The following DGKB variants were observed in gnomAD, a reference collection of about 807,000 sequenced individuals.
The protein encoded by DGKB is diacylglycerol kinase beta.
In DGKB, 67 loss-of-function variants were observed where a neutral mutation model predicts 114.3. The observed-to-expected ratio is 0.59, with a 90% CI of 0.48 to 0.72. DGKB has a LOEUF of 0.72. Ranked by LOEUF, DGKB falls within the 30% of genes least tolerant of loss-of-function variation. The probability of loss-of-function intolerance (pLI) is 0.00; values close to 1 mark genes in which losing one functional copy is unlikely to be tolerated. For missense variants in DGKB, 907 were observed against 975.2 expected, an observed-to-expected ratio of 0.93 and a Z score of 0.93; for synonymous variants, 398 against 323.1, an observed-to-expected ratio of 1.23 and a Z score of -2.49.
intron 23 of DGKB, among the ~76,000 whole-genome samples, chr7:14,314,656 C>T (rs62443709): frequency 0.051 from 7,789 of 151,800 alleles, 503 homozygotes; most frequent in African/African-American, 0.15. Flanking sequence ...CTACGTCTGA[C>T]TGGTGTACCT....
chr7:14,285,122 T>G (rs1221329805), intron 23 of DGKB, among the ~76,000 whole-genome samples: 7 of 152,332 alleles, frequency 4.6e-5, no homozygotes, highest in African/African-American at 1.7e-4. Context: ...AGACCATTAT[T>G]TCTTTACATT....
intron 22 of DGKB, among the ~76,000 whole-genome samples, chr7:14,342,095 A>G (rs1321663477): frequency 6.6e-6 from 1 of 151,858 alleles, no homozygotes; most frequent in Non-Finnish European, 1.5e-5. Flanking sequence ...ACTGAGCAAT[A>G]AGAATATTGT....
chr7:14,558,017 G>T (rs1796112300), intron 20 of DGKB, among the ~76,000 whole-genome samples: 1 of 151,114 alleles, frequency 6.6e-6, no homozygotes, highest in Admixed American at 6.6e-5. Context: ...TCTTTTTCAA[G>T]AAATTCTTTC....
chr7:14,306,097 T>A, intron 23 of DGKB, among the ~76,000 whole-genome samples: 1 of 152,132 alleles, frequency 6.6e-6, no homozygotes, highest in Non-Finnish European at 1.5e-5. Flanking sequence ...CCAAATAAGA[T>A]TTTTAAGTTC....
At chr7:14,306,636 C>A (rs755966410) in intron 23 of DGKB, among the ~76,000 whole-genome samples, 20 of 152,016 alleles carry the variant, frequency 1.3e-4, no homozygotes, top group Non-Finnish European at 2.6e-4. Context: ...TTTGGCTCTG[C>A]GCTTCAGAAC....
chr7:14,598,749 T>C (rs181653118), intron 17 of DGKB, among the ~76,000 whole-genome samples: 452 of 152,314 alleles, frequency 3.0e-3, no homozygotes, highest in Non-Finnish European at 4.9e-3. Context: ...TTATAAACTA[T>C]ATATTTAATG....
chr7:14,782,829 A>G (rs755649766), intron 2 of DGKB, among the ~76,000 whole-genome samples: 4 of 150,148 alleles, frequency 2.7e-5, no homozygotes, highest in Non-Finnish European at 5.9e-5. Flanking sequence ...TCACATGATT[A>G]TATATATATA....
At chr7:14,868,952 C>T (rs747872927) in intron 1 of DGKB, among the ~76,000 whole-genome samples, 1 of 152,144 alleles carries the variant, frequency 6.6e-6, no homozygotes, top group Non-Finnish European at 1.5e-5. Context: ...AAAACAGCTC[C>T]ATGAAGACAC....
intron 21 of DGKB, among the ~76,000 whole-genome samples, chr7:14,364,704 A>G (rs562277976): frequency 1.3e-5 from 2 of 152,124 alleles, no homozygotes; most frequent in East Asian, 3.9e-4. Flanking sequence ...ATAGTAAGGA[A>G]ATAGCTAAGA....
At chr7:14,616,857 G>A (rs530729200) in intron 15 of DGKB, among the ~76,000 whole-genome samples, 2 of 151,856 alleles carry the variant, frequency 1.3e-5, no homozygotes, top group Admixed American at 1.3e-4. Context: ...GAGAGAAAGT[G>A]TCTAGGAAAG....
chr7:14,587,472 A>T (rs1049624118), intron 17 of DGKB, among the ~76,000 whole-genome samples: 1 of 152,174 alleles, frequency 6.6e-6, no homozygotes, highest in Admixed American at 6.6e-5. Context: ...CAAAGGATTT[A>T]GATTATTACA....
At chr7:14,284,662 C>A (rs1800551527) in intron 23 of DGKB, among the ~76,000 whole-genome samples, 1 of 149,668 alleles carries the variant, frequency 6.7e-6, no homozygotes, top group African/African-American at 2.5e-5. Flanking sequence ...ACATATACAT[C>A]ATGGAATACT....
intron 23 of DGKB, among the ~76,000 whole-genome samples, chr7:14,283,432 T>A (rs1352771133): frequency 6.6e-6 from 1 of 151,260 alleles, no homozygotes; most frequent in African/African-American, 2.4e-5. Flanking sequence ...AAAATGGCCA[T>A]ACTGCCCAAG....
chr7:14,785,867 T>C (rs959586111), intron 2 of DGKB, among the ~76,000 whole-genome samples: 1 of 151,708 alleles, frequency 6.6e-6, no homozygotes, highest in African/African-American at 2.4e-5. Context: ...AAGTACAATT[T>C]TCAGACATTA....
rs148143050 is a variant in DGKB, at chr7:14,941,664, A to T, written c.-188+33032T>A. ...TGAATGGTACTAAATGTAAAAACCA[A>T]TCGATCTACTCATTTTGAGAAACCG... is the stretch of plus-strand genomic sequence containing the variant. On this transcript the variant is annotated intron_variant, in intron 1 of 4. Transcript: ENST00000437998. Among the ~76,000 whole-genome samples, 105 of 152,198 alleles carry T rather than the reference A, an allele frequency of 6.9e-4. 1 individual carries two copies. The highest frequency in any genetic ancestry group is 1.4e-3 in the Admixed American group (21 of 15,270).
intron 21 of DGKB, among the ~76,000 whole-genome samples, chr7:14,380,814 A>C (rs973090093): frequency 4.6e-5 from 7 of 152,132 alleles, no homozygotes; most frequent in Non-Finnish European, 8.8e-5. Context: ...AAGCATATGG[A>C]CTATATTTTA....
chr7:14,917,581 C>A (rs1469093918), intron 1 of DGKB, among the ~76,000 whole-genome samples: 1 of 151,930 alleles, frequency 6.6e-6, no homozygotes, highest in Non-Finnish European at 1.5e-5. Context: ...TAAGCAGGAA[C>A]ACACAATCCA....
At chr7:14,402,357 T>C (rs889605699) in intron 21 of DGKB, among the ~76,000 whole-genome samples, 2 of 151,908 alleles carry the variant, frequency 1.3e-5, no homozygotes, top group African/African-American at 4.8e-5. Context: ...TATCAATGCC[T>C]AATTTTAATT....
chr7:14,152,314 A>C (rs1782335158), intron 25 of DGKB, among the ~76,000 whole-genome samples: 1 of 152,058 alleles, frequency 6.6e-6, no homozygotes, highest in South Asian at 2.1e-4. Flanking sequence ...ACTGGCTGTG[A>C]ACAAGGCATT....
Sources: allele counts gnomAD v4.1 joint callset (sites outside exome capture counted in the v4.1 genomes callset), GRCh38; gene constraint gnomAD v4.1.1; transcripts MANE v1.5; gene names NCBI Gene and HGNC (gene_info 2026-07-23, HGNC 2026-07-21).